The following ZNF75A variants were observed in gnomAD, a reference collection of about 807,000 sequenced individuals.
The protein encoded by ZNF75A is zinc finger protein 75A.
A neutral mutation model predicts 46.3 loss-of-function variants in ZNF75A; 36 were observed. The ratio of observed to expected loss-of-function variants is 0.78; its 90% CI spans 0.60 to 1.03. ZNF75A has a LOEUF of 1.03. Ranked by LOEUF, ZNF75A falls within the 50% of genes least tolerant of loss-of-function variation. ZNF75A has a pLI of 0.00. For missense variants in ZNF75A, 595 were observed against 551.3 expected, an observed-to-expected ratio of 1.08 and a Z score of -0.79; for synonymous variants, 234 against 189.9, an observed-to-expected ratio of 1.23 and a Z score of -1.91.
downstream of ZNF75A, among the ~76,000 whole-genome samples, chr16:3,320,198 A>G (rs890301844): frequency 6.6e-6 from 1 of 152,126 alleles, no homozygotes; most frequent in African/African-American, 2.4e-5. Context: ...GGTACCCGCC[A>G]CCACGCCTGG....
chr16:3,316,743 A>G (rs925153144), intron 5 of ZNF75A, 169 bp from the exon 6 acceptor site: 23 of 498,374 alleles, frequency 4.6e-5, no homozygotes, highest in Non-Finnish European at 7.8e-5. Flanking sequence ...ATAGCTACCT[A>G]TAAGTATAAC....
chr16:3,314,795 T>C (rs1961074256), intron 5 of ZNF75A: 10 of 985,294 alleles, frequency 1.0e-5, no homozygotes, highest in Non-Finnish European at 1.1e-5. Context: ...CAGGAAGAAT[T>C]GGAGTTACTG....
Position 3,312,058 on chromosome 16 carries a change from C to G in ZNF75A, c.604+110C>G, listed in dbSNP as rs554549970. 3 of 449,684 alleles carry G rather than the reference C, an allele frequency of 6.7e-6. No individual in the cohort carries two copies. In the South Asian group the frequency reaches 2.8e-4, roughly 42 times the overall value. The allele number at this position is 449,684 out of a possible 1,614,324, so 27.9% of individuals were successfully genotyped here. On this transcript the variant is annotated intron_variant, in intron 3 of 6. Coordinates refer to ENST00000669516, the MANE Select transcript of ZNF75A (RefSeq NM_001302109.2). ...ACCCTGCTCTGTGGATTTGTAAAAC[C>G]AGCCTTGATAGCAACTATGATGTCC...
At chr16:3,312,854 A>C in intron 4 of ZNF75A, 86 bp downstream of exon 4, 1 of 1,182,860 alleles carries the variant, frequency 8.5e-7, no homozygotes, top group East Asian at 2.8e-5. Flanking sequence ...GAGGTGTGTT[A>C]GTCCCGGGTG....
At chr16:3,311,183 A>G (rs1254709884) in intron 2 of ZNF75A, among the ~76,000 whole-genome samples, 2 of 152,000 alleles carry the variant, frequency 1.3e-5, no homozygotes, top group Admixed American at 6.5e-5. Flanking sequence ...CACACCTATA[A>G]TCCCAGCACT....
chr16:3,318,617 A>G lies in ZNF75A; in HGVS notation c.*748A>G, dbSNP rs1961402184. On this transcript the variant is annotated 3_prime_UTR_variant, in exon 7 of 7. Coordinates refer to ENST00000669516, the MANE Select transcript of ZNF75A (RefSeq NM_001302109.2). ...GTCAGTAGGATAAAGCAGCTATAAAAATTAGTACTTGCCCAAGGCCTGAAA... is the reference window on the plus strand; with the variant it reads ...GTCAGTAGGATAAAGCAGCTATAAAGATTAGTACTTGCCCAAGGCCTGAAA... 5 of 985,454 alleles carry G rather than the reference A, an allele frequency of 5.1e-6. 1 individual carries two copies. The highest frequency in any genetic ancestry group is 9.4e-5 in the South Asian group (2 of 21,286). 61.0% of individuals were successfully genotyped at this position (985,454 alleles called of 1,614,324 possible). A position where few individuals can be genotyped will look rare whatever the true frequency, so the allele number is the denominator to read the frequency against.
intron 2 of ZNF75A, chr16:3,309,354 G>A (rs1447542573): frequency 6.6e-6 from 1 of 151,528 alleles, no homozygotes; most frequent in East Asian, 1.9e-4. Flanking sequence ...TATCCTCGAG[G>A]CTGAGGAGGG....
At chr16:3,320,322 G>T (rs542659129), downstream of ZNF75A, among the ~76,000 whole-genome samples, 1 of 152,344 alleles carries the variant, frequency 6.6e-6, no homozygotes, top group East Asian at 1.9e-4. Flanking sequence ...GGGATTACAG[G>T]CGTGAGCCAC....
chr16:3,320,776 C>T (rs1244238524), downstream of ZNF75A, among the ~76,000 whole-genome samples: 2 of 152,332 alleles, frequency 1.3e-5, no homozygotes, highest in Non-Finnish European at 2.9e-5. Flanking sequence ...TTGTTAACTA[C>T]CTCTGTTGTA....
chr16:3,316,805 A>AAT (rs1961242059), intron 5 of ZNF75A, 107 bp from the exon 6 acceptor site: 1 of 708,148 alleles, frequency 1.4e-6, no homozygotes, highest in South Asian at 1.8e-5. Flanking sequence ...AACCATTTGG[A>AAT]GTAACAAATT....
Position 3,316,974 on chromosome 16 carries a change from G to C in ZNF75A, c.886G>C (p.Val296Leu). Reference protein sequence around the residue: ...SCLEQGEEPWVQVSPEFKDSA... With the variant: ...SCLEQGEEPWLQVSPEFKDSA... ...TCTAGAGCAAGGGGAAGAGCCATGGGTTCAAGTATCCCCGGAGTTTAAGGA... is the reference window on the plus strand; with the variant it reads ...TCTAGAGCAAGGGGAAGAGCCATGGCTTCAAGTATCCCCGGAGTTTAAGGA... Residue 296 changes from valine to leucine, a missense_variant, in exon 6 of 7, where the codon GTT (valine) becomes CTT (leucine). By Grantham distance (32) the Val-to-Leu change is conservative (BLOSUM62 1). Coordinates refer to ENST00000669516, the MANE Select transcript of ZNF75A (RefSeq NM_001302109.2). 1 of 1,614,058 alleles carries C rather than the reference G, an allele frequency of 6.2e-7. No individual in the cohort carries two copies. The highest frequency in any genetic ancestry group is 8.5e-7 in the Non-Finnish European group (1 of 1,179,986).
Position 3,317,445 on chromosome 16 carries a change from C to G in ZNF75A, c.1190C>G (p.Ala397Gly). The G allele has an allele frequency of 1.2e-6, 2 of 1,614,078 alleles. No homozygotes were observed. Among genetic ancestry groups the G allele is most frequent in the Non-Finnish European group, 1.7e-6 (2 of 1,179,998 alleles). The stretch of plus-strand genomic sequence containing the variant: ...ATGGATCGTCACAAGAAAGATTGTG[C>G]AAGAGAGAAGCCTTTTAAATGTCAG... ...KLMDRHKKDC[A>G]REKPFKCQEC... The change falls in exon 7 of 7, where the codon GCA (alanine) becomes GGA (glycine). Residue 397 changes from alanine to glycine, a missense_variant. Coordinates refer to ENST00000669516, the MANE Select transcript of ZNF75A (RefSeq NM_001302109.2).
At position 3,317,312 on chromosome 16, in the gene ZNF75A, G is replaced by A; in HGVS notation, c.1057G>A (p.Gly353Ser). 1 of 1,613,978 alleles carries A rather than the reference G, an allele frequency of 6.2e-7. No homozygotes were observed. Among genetic ancestry groups the A allele is most frequent in the Non-Finnish European group, 8.5e-7 (1 of 1,179,994 alleles). Reference sequence around the variant, plus strand: ...AGTAAAAGTTCCCCAGAAAACAGCAGGCAAAGAAAATCATTTTGATATGCA... The same window carrying A: ...AGTAAAAGTTCCCCAGAAAACAGCAAGCAAAGAAAATCATTTTGATATGCA... ...AKVKVPQKTA[G>S]KENHFDMHRV... The change falls in exon 7 of 7, where the codon GGC (glycine) becomes AGC (serine). Residue 353 changes from glycine to serine, a missense_variant. Physicochemically the swap from Gly to Ser is moderately conservative, Grantham distance 56 (BLOSUM62 0). Transcript: ENST00000669516.
intron 3 of ZNF75A, chr16:3,312,207 G>GAGGA (rs1960860940): frequency 6.6e-6 from 1 of 152,420 alleles, no homozygotes; most frequent in Non-Finnish European, 1.5e-5. Context: ...GACTAGTGGA[G>GAGGA]AGGAAGGAAA....
intron 2 of ZNF75A, among the ~76,000 whole-genome samples, chr16:3,311,100 G>T: frequency 6.6e-6 from 1 of 152,088 alleles, no homozygotes. Flanking sequence ...ACAACTGTGG[G>T]ATTGAAGTCA....
chr16:3,320,601 A>G (rs1051102897), downstream of ZNF75A, among the ~76,000 whole-genome samples: 4 of 152,040 alleles, frequency 2.6e-5, no homozygotes, highest in African/African-American at 9.6e-5. Context: ...GGACAAGGCA[A>G]CCCTCCTTCC....
Position 3,318,000 on chromosome 16 carries a change from A to G in ZNF75A, c.*131A>G. On this transcript the variant is annotated 3_prime_UTR_variant, in exon 7 of 7. Coordinates refer to ENST00000669516, the MANE Select transcript of ZNF75A (RefSeq NM_001302109.2). ...AGAAAATGGGATAAACATACATTTC[A>G]CAGAAAATAATCAAGACTTGCTCTG... The G allele has an allele frequency of 7.0e-7, 1 of 1,428,142 alleles. No individual in the cohort carries two copies. The allele number at this position is 1,428,142 out of a possible 1,614,324, so 88.5% of individuals were successfully genotyped here.
Position 3,313,192 on chromosome 16 carries a change from C to T in ZNF75A, c.823+17C>T, listed in dbSNP as rs772053618. The T allele has an allele frequency of 1.9e-6, 3 of 1,611,656 alleles. No homozygotes were observed. The highest frequency in any genetic ancestry group is 3.4e-5 in the Admixed American group (2 of 59,524). On this transcript the variant is annotated intron_variant, in intron 5 of 6. Coordinates refer to ENST00000669516, the MANE Select transcript of ZNF75A (RefSeq NM_001302109.2). ...TCTCTCTAGGTAAAGATTTTCCCTTCCCTTTATGTAGTTGAGTACTCTATT... is the reference window on the plus strand; with the variant it reads ...TCTCTCTAGGTAAAGATTTTCCCTTTCCTTTATGTAGTTGAGTACTCTATT...
chr16:3,308,696 C>T lies in ZNF75A; in HGVS notation c.268C>T (p.Leu90=), dbSNP rs925832943. 6.0e-6 allele frequency: 6 copies of T among 993,210 alleles called. No individual in the cohort carries two copies. In the African/African-American group the frequency reaches 1.0e-4, roughly 17 times the overall value. 61.5% of individuals were successfully genotyped at this position (993,210 alleles called of 1,614,324 possible). The change falls in exon 2 of 7, where the codon CTG becomes TTG. Residue 90 remains leucine (L), a synonymous_variant. Transcript: ENST00000669516. ...EIHSKEQILE[L]LVLEQFLTIL... ...CCACTCAAAAGAGCAGATACTGGAA[C>T]TGCTGGTGCTGGAGCAGTTCCTGAC...
Sources: gnomAD v4.1 joint callset for allele counts (sites outside exome capture counted in the v4.1 genomes callset) on GRCh38, gnomAD v4.1.1 for gene constraint, MANE v1.5 for transcripts, NCBI Gene and HGNC (gene_info 2026-07-23, HGNC 2026-07-21) for gene names.